Variants in HSCB observed in about 807,000 individuals in gnomAD.
The protein encoded by HSCB is HscB mitochondrial iron-sulfur cluster cochaperone.
A neutral mutation model predicts 31.3 loss-of-function variants in HSCB; 23 were observed. The observed-to-expected ratio is 0.74, with a 90% confidence interval of 0.53 to 1.04. The LOEUF (loss-of-function observed/expected upper bound fraction) is 1.04, where lower values mean the gene tolerates loss of function less well. Among genes scored for constraint, HSCB ranks in the 50% least tolerant of loss-of-function variants. HSCB has a pLI of 0.00. For missense variants in HSCB, 297 were observed against 288.1 expected (o/e 1.03, Z -0.22); for synonymous variants, 110 against 104.5 (o/e 1.05, Z -0.32).
rs145073921 is a variant in HSCB at position 28,746,729 on chromosome 22, G to A, written c.568+721G>A. On this transcript the variant is annotated intron_variant, in intron 4 of 5. Transcript: ENST00000216027. ...AGCCAGGCCAACATGGAGAAACCCCGTCTCTGCCTAAAATACAAAATTAGC... is the reference window on the plus strand; with the variant it reads ...AGCCAGGCCAACATGGAGAAACCCCATCTCTGCCTAAAATACAAAATTAGC... Among the ~76,000 whole-genome samples the A allele has an allele frequency of 1.2e-4, 18 of 152,046 alleles. No homozygotes were observed. In the East Asian group the frequency reaches 2.3e-3, roughly 20 times the overall value.
At chr22:28,744,058 C>T (rs2054642016) in intron 2 of HSCB, 80 bp downstream of exon 2, 1 of 1,104,300 alleles carries the variant, frequency 9.1e-7, no homozygotes, top group Non-Finnish European at 1.4e-6. Flanking sequence ...ATGTGATTAT[C>T]AGGGACTGAG....
chr22:28,742,960 G>A (rs1343456033), intron 1 of HSCB, among the ~76,000 whole-genome samples: 1 of 152,120 alleles, frequency 6.6e-6, no homozygotes, highest in Non-Finnish European at 1.5e-5. Flanking sequence ...GACAGACTCT[G>A]GGAGTAGAAT....
At chr22:28,753,155 T>C (rs900196695) in intron 5 of HSCB, among the ~76,000 whole-genome samples, 4 of 152,114 alleles carry the variant, frequency 2.6e-5, no homozygotes, top group Non-Finnish European at 5.9e-5. Context: ...AGGAAGACCA[T>C]TGGAGAAAGG....
chr22:28,746,499 T>A (rs1424313300), intron 4 of HSCB, among the ~76,000 whole-genome samples: 1 of 150,948 alleles, frequency 6.6e-6, no homozygotes, highest in Non-Finnish European at 1.5e-5. Context: ...ATGCCTGTAA[T>A]CCCAGTATTT....
Position 28,743,882 on chromosome 22 carries a change from CAA to C in HSCB, c.238_239del (p.Asn80ProfsTer6). The C allele has an allele frequency of 6.2e-7, 1 of 1,613,272 alleles. No homozygotes were observed. Among genetic ancestry groups the C allele is most frequent in the Non-Finnish European group, 8.5e-7 (1 of 1,179,356 alleles). On this transcript the variant is annotated frameshift_variant and splice_region_variant, in exon 2 of 6. Transcript: ENST00000216027. LOFTEE classifies it high-confidence loss of function. ...TRDYFSLMDCNRSFRVDTAKL... is the reference protein window; with the variant it reads ...TRDYFSLMDCXRSFRVDTAKL... ...ATTTAATCTCCCAATTTCCTTCCAGCAACCGTTCCTTCAGAGTTGATACAGCG... is the reference window on the plus strand; with the variant it reads ...ATTTAATCTCCCAATTTCCTTCCAGCCCGTTCCTTCAGAGTTGATACAGCG...
In HSCB at chr22:28,752,733, C is replaced by CAA. The variant is rs374738245; in HGVS notation, c.616+1459_616+1460dup. Among the ~76,000 whole-genome samples, 154 of 128,456 alleles carry CAA rather than the reference C, an allele frequency of 1.2e-3. 1 individual carries two copies. Among genetic ancestry groups the CAA allele is most frequent in the African/African-American group, 2.9e-3 (101 of 34,652 alleles). The allele number at this position is 128,456 out of a possible 152,430, so 84.3% of individuals were successfully genotyped here. On this transcript the variant is annotated intron_variant, in intron 5 of 5. Transcript: ENST00000216027. Reference sequence around the variant, plus strand: ...TGTGCAACAGAGCGAGACTCCATCTCAAAAAAAAAAAAAAATTTGTTGACA... The same window carrying CAA: ...TGTGCAACAGAGCGAGACTCCATCTCAAAAAAAAAAAAAAAAATTTGTTGACA...
At chr22:28,752,948 G>A (rs8142775) in intron 5 of HSCB, among the ~76,000 whole-genome samples, 2,510 of 151,352 alleles carry the variant, frequency 0.017, 29 homozygotes, top group Admixed American at 0.023. Flanking sequence ...GCATGGTGGC[G>A]CTCGCCTGTA....
intron 1 of HSCB, chr22:28,742,532 G>A: frequency 3.2e-6 from 3 of 949,310 alleles, no homozygotes; most frequent in Admixed American, 5.9e-5. Context: ...GCAACGTTGA[G>A]GTGTGGAGAA....
intron 5 of HSCB, among the ~76,000 whole-genome samples, chr22:28,752,938 G>A (rs1017230939): frequency 6.6e-6 from 1 of 151,534 alleles, no homozygotes; most frequent in African/African-American, 2.4e-5. Context: ...AAGTAGCCAG[G>A]CATGGTGGCG....
chr22:28,753,295 G>T (rs916800327), intron 5 of HSCB, among the ~76,000 whole-genome samples: 1 of 151,886 alleles, frequency 6.6e-6, no homozygotes, highest in Non-Finnish European at 1.5e-5. Context: ...GGAGGCTGAG[G>T]CGGGCGGATC....
chr22:28,742,991 A>G (rs2054609277), intron 1 of HSCB, among the ~76,000 whole-genome samples: 1 of 152,154 alleles, frequency 6.6e-6, no homozygotes, highest in African/African-American at 2.4e-5. Context: ...CTGAATTAAA[A>G]TAAACCGGGA....
rs181884759 is a variant in HSCB, at chr22:28,747,676, T to C, written c.568+1668T>C. On this transcript the variant is annotated intron_variant, in intron 4 of 5. Coordinates refer to ENST00000216027, the MANE Select transcript of HSCB (RefSeq NM_172002.5). ...GACGCATAAAATTAACCATTCCACA[T>C]AGAAAAGATTCCAAGGTTCTCCGTT... Among the ~76,000 whole-genome samples, 77 of 152,254 alleles carry C rather than the reference T, an allele frequency of 5.1e-4. No individual in the cohort carries two copies. The South Asian group carries it at 7.3e-3, about 14-fold the overall frequency.
chr22:28,749,495 A>T (rs561327363), intron 4 of HSCB, among the ~76,000 whole-genome samples: 5 of 152,188 alleles, frequency 3.3e-5, no homozygotes, highest in African/African-American at 1.2e-4. Context: ...TGTGACATTA[A>T]TTGATCAATA....
chr22:28,749,412 C>G (rs1406571013), intron 4 of HSCB, among the ~76,000 whole-genome samples: 1 of 152,116 alleles, frequency 6.6e-6, no homozygotes, highest in Non-Finnish European at 1.5e-5. Context: ...CTCAGAGAAG[C>G]CTTTTTAAGC....
chr22:28,751,266 T>C lies in HSCB; in HGVS notation c.594T>C (p.Asn198=). 2 of 1,600,220 alleles carry C rather than the reference T, an allele frequency of 1.2e-6. No individual in the cohort carries two copies. The highest frequency in any genetic ancestry group is 1.7e-6 in the Non-Finnish European group (2 of 1,171,646). The change falls in exon 5 of 6, where the codon AAT becomes AAC. Residue 198 remains asparagine (N), a synonymous_variant. Transcript: ENST00000216027. ...CTAAACAGAAAGAATTTACTGACAA[T>C]GTGAGCAGTGCTTTTGAACAAGGTA... is the stretch of plus-strand genomic sequence containing the variant. The part of the protein sequence containing the change: ...VKAKQKEFTD[N]VSSAFEQDDF...
intron 5 of HSCB, 96 bp downstream of exon 5, chr22:28,751,384 A>G: frequency 1.5e-6 from 1 of 678,082 alleles, no homozygotes; most frequent in Admixed American, 2.7e-5. Context: ...ATACCTTCCT[A>G]TGATAGCTAT....
Position 28,751,372 on chromosome 22 carries a change from A to G in HSCB, c.616+84A>G, listed in dbSNP as rs761368531. 5.4e-6 allele frequency: 4 copies of G among 745,542 alleles called. No individual in the cohort carries two copies. The East Asian group carries it at 8.1e-5, about 15-fold the overall frequency. 46.2% of individuals were successfully genotyped at this position (745,542 alleles called of 1,614,324 possible). ...GCCATTCATTCAATAACTAGCTATT[A>G]TATACCTTCCTATGATAGCTATATA... is the stretch of plus-strand genomic sequence containing the variant. On this transcript the variant is annotated intron_variant, in intron 5 of 5. Transcript: ENST00000216027.
chr22:28,756,035 C>G (rs1486476857), intron 5 of HSCB, among the ~76,000 whole-genome samples: 4 of 152,092 alleles, frequency 2.6e-5, no homozygotes, highest in Admixed American at 6.6e-5. Context: ...CACTTGAGAT[C>G]AGGAGTTTGA....
At chr22:28,751,334 G>C in intron 5 of HSCB, 46 bp downstream of exon 5, 2 of 1,172,922 alleles carry the variant, frequency 1.7e-6, no homozygotes, top group Non-Finnish European at 1.3e-6. Context: ...GAAATTTCAA[G>C]CACTGAAGCA....
Sources: allele counts gnomAD v4.1 joint callset (sites outside exome capture counted in the v4.1 genomes callset), GRCh38; gene constraint gnomAD v4.1.1; transcripts MANE v1.5; gene names NCBI Gene and HGNC (gene_info 2026-07-23, HGNC 2026-07-21).